GLIS1: variants seen among roughly 807,000 people sequenced by gnomAD.
GLIS1 encodes GLIS family zinc finger 1.
GLIS1 carries 24 observed loss-of-function variants against 63.8 expected under a neutral mutation model. The observed-to-expected ratio is 0.38, with a 90% CI of 0.27 to 0.53. The LOEUF (loss-of-function observed/expected upper bound fraction) is 0.53. GLIS1 is among the 20% of genes least tolerant of loss of function. GLIS1 has a pLI of 0.85. For synonymous variants in GLIS1, 450 were observed against 482.5 expected (o/e 0.93, Z 0.88); for missense variants, 1,036 against 1,074.1 (o/e 0.96, Z 0.50).
intron 4 of GLIS1, among the ~76,000 whole-genome samples, chr1:53,563,817 C>T (rs1399384257): frequency 1.3e-5 from 2 of 152,214 alleles, no homozygotes; most frequent in African/African-American, 2.4e-5. Flanking sequence ...GAAACACAGA[C>T]ACCCATAAAA....
chr1:53,722,460 G>A (rs1469702578), intron 2 of GLIS1, among the ~76,000 whole-genome samples: 5 of 152,170 alleles, frequency 3.3e-5, no homozygotes, highest in African/African-American at 4.8e-5. Context: ...AGAGGAAGGC[G>A]CTCTCTAAGG....
rs1215957728 is a variant in GLIS1 at position 53,526,887 on chromosome 1, A to G, written c.1483-2000T>C. Among the ~76,000 whole-genome samples, 1 of 152,234 alleles carries G rather than the reference A, an allele frequency of 6.6e-6. No individual in the cohort carries two copies. The highest frequency in any genetic ancestry group is 1.5e-5 in the Non-Finnish European group (1 of 68,034). The stretch of plus-strand genomic sequence containing the variant: ...TGTGGCCGTCCCCAGCCAGCAGCCA[A>G]GCTCCGCCTGGAATGGCCATGTGGG... On this transcript the variant is annotated intron_variant, in intron 5 of 10. Coordinates refer to ENST00000628545, the MANE Select transcript of GLIS1 (RefSeq NM_001367484.1). The surrounding 1 kb of genome is among the most constrained non-coding windows in gnomAD (Gnocchi z 4.4).
intron 4 of GLIS1, among the ~76,000 whole-genome samples, chr1:53,567,975 A>C (rs1644950609): frequency 6.6e-6 from 1 of 152,248 alleles, no homozygotes; most frequent in Non-Finnish European, 1.5e-5. Flanking sequence ...TGGAGCCCCC[A>C]CACAGAGCCC....
intron 9 of GLIS1, 66 bp downstream of exon 9, chr1:53,509,783 G>C: frequency 9.9e-7 from 1 of 1,012,998 alleles, no homozygotes; most frequent in South Asian, 4.9e-5. Flanking sequence ...CTGTCTCCTC[G>C]TTCCTCTGGG....
intron 4 of GLIS1, among the ~76,000 whole-genome samples, chr1:53,582,140 C>T (rs543808526): frequency 2.8e-4 from 42 of 152,286 alleles, no homozygotes; most frequent in African/African-American, 9.1e-4. Context: ...TTCATCTAAT[C>T]CAAGTCCTAA....
intron 4 of GLIS1, among the ~76,000 whole-genome samples, chr1:53,534,905 T>C (rs1274329999): frequency 2.6e-5 from 4 of 151,708 alleles, no homozygotes; most frequent in Non-Finnish European, 5.9e-5. Context: ...CGGGGGCTTC[T>C]GGCTGGCAGA....
rs75410475 is a variant in GLIS1 at position 53,699,613 on chromosome 1, T to C, written c.259+38193A>G. Among the ~76,000 whole-genome samples, 1,052 of 152,242 alleles carry C rather than the reference T, an allele frequency of 6.9e-3. 15 individuals carry two copies. Among genetic ancestry groups the C allele is most frequent in the African/African-American group, 0.024 (1,009 of 41,530 alleles). Reference sequence around the variant, plus strand: ...TTTTGGAGCATTTCAGATTCCAGGTTTTCAGATTAGGGATACTCAACCTGT... The same window carrying C: ...TTTTGGAGCATTTCAGATTCCAGGTCTTCAGATTAGGGATACTCAACCTGT... On this transcript the variant is annotated intron_variant, in intron 2 of 10. Transcript: ENST00000628545.
chr1:53,733,241 C>A (rs531878877), intron 2 of GLIS1, among the ~76,000 whole-genome samples: 2 of 152,160 alleles, frequency 1.3e-5, no homozygotes, highest in Non-Finnish European at 2.9e-5. Context: ...AAGCTTCTCA[C>A]GCAAATGAAA....
At chr1:53,565,106 C>T (rs1302957909) in intron 4 of GLIS1, among the ~76,000 whole-genome samples, 1 of 151,832 alleles carries the variant, frequency 6.6e-6, no homozygotes, top group Admixed American at 6.6e-5. Context: ...AAAAATGTTC[C>T]TATGTTTGGA....
At chr1:53,733,252 C>T (rs3013763) in intron 2 of GLIS1, among the ~76,000 whole-genome samples, 103,320 of 152,092 alleles carry the variant, frequency 0.68, 36,713 homozygotes, top group Middle Eastern at 0.78. Context: ...GCAAATGAAA[C>T]GCAGGGAGAT....
Position 53,639,004 on chromosome 1 carries a change from A to G in GLIS1, c.260-38726T>C, listed in dbSNP as rs975397875. On this transcript the variant is annotated intron_variant, in intron 2 of 10. Transcript: ENST00000628545. The surrounding 1 kb of genome is among the most constrained non-coding windows in gnomAD (Gnocchi z 4.6). ...GAACAATTTGGACCAGATGACGCCA[A>G]GGTCTTCCAGTTTCTCAGAGTGGTT... is the stretch of plus-strand genomic sequence containing the variant. Among the ~76,000 whole-genome samples the G allele has an allele frequency of 6.6e-6, 1 of 152,142 alleles. No homozygotes were observed. The highest frequency in any genetic ancestry group is 2.4e-5 in the African/African-American group (1 of 41,438).
At chr1:53,672,326 C>T (rs1462050715) in intron 2 of GLIS1, among the ~76,000 whole-genome samples, 2 of 152,226 alleles carry the variant, frequency 1.3e-5, no homozygotes, top group African/African-American at 4.8e-5. Flanking sequence ...CAAGCCCCGC[C>T]TTCCTTTGTA....
At chr1:53,622,391 G>T (rs1280464055) in intron 2 of GLIS1, among the ~76,000 whole-genome samples, 1 of 136,114 alleles carries the variant, frequency 7.3e-6, no homozygotes, top group African/African-American at 2.8e-5. Context: ...TCGCACCACT[G>T]CAACTCTACC....
At chr1:53,525,472 A>G (rs944386321) in intron 5 of GLIS1, among the ~76,000 whole-genome samples, 4 of 101,654 alleles carry the variant, frequency 3.9e-5, no homozygotes, top group East Asian at 2.8e-4. Flanking sequence ...GAGGCTGGGG[A>G]GGCTGGGGAG....
intron 4 of GLIS1, among the ~76,000 whole-genome samples, chr1:53,538,636 G>A (rs1644606847): frequency 6.6e-6 from 1 of 152,128 alleles, no homozygotes; most frequent in South Asian, 2.1e-4. Context: ...AGGGCTGGGG[G>A]CACACAGTGA....
At chr1:53,677,131 G>A (rs1433922619) in intron 2 of GLIS1, among the ~76,000 whole-genome samples, 1 of 152,250 alleles carries the variant, frequency 6.6e-6, no homozygotes, top group East Asian at 1.9e-4. Flanking sequence ...CAGCTCTGAT[G>A]ACAGACGCAC....
At chr1:53,635,077 T>C (rs1163678599) in intron 2 of GLIS1, among the ~76,000 whole-genome samples, 1 of 152,092 alleles carries the variant, frequency 6.6e-6, no homozygotes, top group Non-Finnish European at 1.5e-5. Flanking sequence ...TTTTTAATTC[T>C]TTTTTCAAGA....
At position 53,506,742 on chromosome 1, in the gene GLIS1, T is replaced by C; in HGVS notation, c.2265A>G (p.Thr755=). 2 of 1,612,472 alleles carry C rather than the reference T, an allele frequency of 1.2e-6. No individual in the cohort carries two copies. The highest frequency in any genetic ancestry group is 1.7e-6 in the Non-Finnish European group (2 of 1,179,934). ...YEALAEASCP[T]ALPQQPSEDV... Reference sequence around the variant, plus strand: ...CTTCAGATGGCTGCTGTGGCAGCGCTGTGGGGCATGAGGCCTCAGCCAGGG... The same window carrying C: ...CTTCAGATGGCTGCTGTGGCAGCGCCGTGGGGCATGAGGCCTCAGCCAGGG... The change falls in exon 11 of 11, where the codon ACA becomes ACG. Residue 755 remains threonine, a synonymous_variant. Coordinates refer to ENST00000628545, the MANE Select transcript of GLIS1 (RefSeq NM_001367484.1).
intron 4 of GLIS1, among the ~76,000 whole-genome samples, chr1:53,566,682 TAGTG>T (rs1446300636): frequency 6.6e-6 from 1 of 152,202 alleles, no homozygotes; most frequent in Non-Finnish European, 1.5e-5. Flanking sequence ...GTTCTCATGA[TAGTG>T]AGTGAGTTCT....
Sources: gnomAD v4.1 joint callset for allele counts (sites outside exome capture counted in the v4.1 genomes callset) on GRCh38, gnomAD v4.1.1 for gene constraint, Gnocchi (gnomAD v3.1) non-coding constraint, MANE v1.5 for transcripts, NCBI Gene and HGNC (gene_info 2026-07-23, HGNC 2026-07-21) for gene names.